Variants in AGBL1 observed in about 807,000 individuals in gnomAD.
AGBL1 encodes AGBL carboxypeptidase 1, also known as cytosolic carboxypeptidase 4.
AGBL1 carries 130 observed loss-of-function variants against 118.9 expected under a neutral mutation model. The observed-to-expected ratio is 1.09, with a 90% CI of 0.95 to 1.26. The LOEUF is 1.26. AGBL1 is among the 50% of genes most tolerant of loss of function. AGBL1 has a pLI of 0.00. For synonymous variants in AGBL1, 555 were observed against 478.9 expected (o/e 1.16, Z -2.08); for missense variants, 1,584 against 1,298.1 (o/e 1.22, Z -3.38).
At position 86,564,951 on chromosome 15, in the gene AGBL1, A is replaced by G. The variant is rs577117950; in HGVS notation, c.2994+10414A>G. On this transcript the variant is annotated intron_variant, in intron 21 of 22. Transcript: ENST00000614907. Reference sequence around the variant, plus strand: ...CTACTGGAGCTTGTGCATCTGTCACATAGATCTCGTGCCATGGTTTTCAGC... The same window carrying G: ...CTACTGGAGCTTGTGCATCTGTCACGTAGATCTCGTGCCATGGTTTTCAGC... Among the ~76,000 whole-genome samples, 15 of 152,262 alleles carry G rather than the reference A, an allele frequency of 9.9e-5. No homozygotes were observed. In the East Asian group the frequency reaches 2.9e-3, roughly 29 times the overall value.
At chr15:86,250,242 T>C (rs2078789548) in intron 7 of AGBL1, among the ~76,000 whole-genome samples, 1 of 151,948 alleles carries the variant, frequency 6.6e-6, no homozygotes, top group Non-Finnish European at 1.5e-5. Flanking sequence ...AGTGTGCTCT[T>C]GGCCGGGAGT....
intron 23 of AGBL1, among the ~76,000 whole-genome samples, chr15:86,955,993 G>A (rs1235042797): frequency 1.3e-5 from 2 of 152,110 alleles, no homozygotes; most frequent in African/African-American, 4.8e-5. Flanking sequence ...GTATACATGT[G>A]CATGCTGTAT....
chr15:86,149,467 G>A (rs920436216), intron 3 of AGBL1, among the ~76,000 whole-genome samples: 6 of 152,062 alleles, frequency 3.9e-5, no homozygotes, highest in African/African-American at 1.4e-4. Context: ...AAAAAAGCAG[G>A]GGTTGCAGTC....
chr15:86,185,452 C>T (rs546291708), intron 5 of AGBL1, among the ~76,000 whole-genome samples: 88 of 152,274 alleles, frequency 5.8e-4, no homozygotes, highest in African/African-American at 2.0e-3. Flanking sequence ...AAGACACATG[C>T]ACACGTATGT....
chr15:86,915,646 C>T lies in AGBL1; in HGVS notation c.*8352C>T, dbSNP rs759998677. 6.6e-6 allele frequency: 1 copy of T among 152,190 alleles called. No homozygotes were observed. The highest frequency in any genetic ancestry group is 1.5e-5 in the Non-Finnish European group (1 of 68,056). 9.4% of individuals were successfully genotyped at this position (152,190 alleles called of 1,614,324 possible). ...TTGCTGTCCCCTCTTCACCTCCCCC[C>T]CACCGCCCCACTGCACCAAGACTGT... On this transcript the variant is annotated 3_prime_UTR_variant, in exon 23 of 23. Coordinates refer to ENST00000614907, the MANE Select transcript of AGBL1 (RefSeq NM_001386094.1).
chr15:86,239,887 G>C (rs2078614286), intron 6 of AGBL1, among the ~76,000 whole-genome samples: 1 of 152,176 alleles, frequency 6.6e-6, no homozygotes, highest in African/African-American at 2.4e-5. Flanking sequence ...GTGAGATGAT[G>C]AATATGTTTA....
intron 5 of AGBL1, among the ~76,000 whole-genome samples, chr15:86,183,253 A>C (rs2077577876): frequency 6.6e-6 from 1 of 152,208 alleles, no homozygotes; most frequent in Non-Finnish European, 1.5e-5. Context: ...TATTTTTATG[A>C]GACTTTCTAA....
chr15:86,849,259 C>T (rs919950449), intron 22 of AGBL1, among the ~76,000 whole-genome samples: 9 of 152,226 alleles, frequency 5.9e-5, no homozygotes, highest in African/African-American at 2.2e-4. Context: ...CTCTGCTTTG[C>T]CTCAGCAAAT....
At chr15:86,275,835 T>A (rs545674037) in intron 15 of AGBL1, among the ~76,000 whole-genome samples, 5 of 152,324 alleles carry the variant, frequency 3.3e-5, no homozygotes, top group African/African-American at 1.2e-4. Context: ...ATGAACAGAT[T>A]GAGGAGAGGA....
chr15:86,150,449 C>T (rs548031800), intron 3 of AGBL1, among the ~76,000 whole-genome samples: 10 of 152,200 alleles, frequency 6.6e-5, no homozygotes, highest in Admixed American at 1.3e-4. Context: ...GATATCACCA[C>T]CAATCCCACA....
intron 4 of AGBL1, among the ~76,000 whole-genome samples, chr15:86,158,626 C>A (rs1255199025): frequency 2.0e-5 from 3 of 152,150 alleles, no homozygotes; most frequent in Non-Finnish European, 2.9e-5. Flanking sequence ...TCATTCAGAT[C>A]TATGAAAATG....
chr15:86,142,525 C>G (rs890415896), intron 2 of AGBL1, among the ~76,000 whole-genome samples: 1 of 152,222 alleles, frequency 6.6e-6, no homozygotes, highest in African/African-American at 2.4e-5. Flanking sequence ...TGCTTCTATT[C>G]GCTCAAGTTC....
At chr15:86,473,859 A>G (rs191387665) in intron 18 of AGBL1, among the ~76,000 whole-genome samples, 67 of 152,184 alleles carry the variant, frequency 4.4e-4, no homozygotes, top group Non-Finnish European at 8.2e-4. Context: ...GAGCCTCTGG[A>G]AATTTTCCTT....
At chr15:86,926,440 C>T (rs904480810) in intron 23 of AGBL1, among the ~76,000 whole-genome samples, 2 of 152,128 alleles carry the variant, frequency 1.3e-5, no homozygotes, top group South Asian at 2.1e-4. Flanking sequence ...ATGTAAACAA[C>T]CTCCTTTTAA....
intron 22 of AGBL1, among the ~76,000 whole-genome samples, chr15:86,692,345 C>T (rs1038416865): frequency 2.6e-5 from 4 of 151,932 alleles, no homozygotes; most frequent in African/African-American, 9.7e-5. Flanking sequence ...ATCAGGGAAG[C>T]AATAAAGAAA....
chr15:87,018,247 A>C (rs1244652818), intron 24 of AGBL1, among the ~76,000 whole-genome samples: 1 of 152,144 alleles, frequency 6.6e-6, no homozygotes, highest in East Asian at 1.9e-4. Context: ...CAACATTCAA[A>C]TTCTGGACCT....
intron 24 of AGBL1, among the ~76,000 whole-genome samples, chr15:87,005,361 C>T (rs2081487190): frequency 6.6e-6 from 1 of 152,114 alleles, no homozygotes; most frequent in Non-Finnish European, 1.5e-5. Context: ...TCACATAGTC[C>T]CATATTTCTT....
At chr15:86,454,453 C>G (rs1426192220) in intron 18 of AGBL1, among the ~76,000 whole-genome samples, 1 of 152,178 alleles carries the variant, frequency 6.6e-6, no homozygotes, top group Non-Finnish European at 1.5e-5. Context: ...CATGATTGCT[C>G]ATAGCAGTTG....
Position 86,152,382 on chromosome 15 carries a change from T to C in AGBL1, c.263-2048T>C, listed in dbSNP as rs369036228. Among the ~76,000 whole-genome samples the C allele has an allele frequency of 9.2e-5, 14 of 152,328 alleles. No individual in the cohort carries two copies. In the East Asian group the frequency reaches 2.5e-3, roughly 27 times the overall value. ...ACCACACATCTACAACGATCTGATC[T>C]GTGACAAACCTGACAAAAACAAGAA... On this transcript the variant is annotated intron_variant, in intron 3 of 22. Coordinates refer to ENST00000614907, the MANE Select transcript of AGBL1 (RefSeq NM_001386094.1).
Sources: allele counts gnomAD v4.1 joint callset (sites outside exome capture counted in the v4.1 genomes callset), GRCh38; gene constraint gnomAD v4.1.1; transcripts MANE v1.5; gene names NCBI Gene and HGNC (gene_info 2026-07-23, HGNC 2026-07-21).